KCNJ18: variants seen among roughly 807,000 people sequenced by gnomAD.
KCNJ18 encodes the protein potassium inwardly rectifying channel subfamily J member 18, also known as inward rectifier potassium channel 18.
KCNJ18 carries 16 observed loss-of-function variants against 17.3 expected under a neutral mutation model. The observed-to-expected ratio is 0.92, with a 90% CI of 0.62 to 1.40. KCNJ18 has a LOEUF of 1.40. Ranked by LOEUF, KCNJ18 falls within the 40% of genes most tolerant of loss-of-function variation. KCNJ18 has a pLI of 0.00. For synonymous variants in KCNJ18, 185 were observed against 262.6 expected, an observed-to-expected ratio of 0.70 and a Z score of 2.86; for missense variants, 462 against 626.8, an observed-to-expected ratio of 0.74 and a Z score of 2.81.
rs1906010977 is a variant in KCNJ18 at position 21,702,842 on chromosome 17, G to A, written c.56G>A (p.Gly19Glu). Reference sequence around the variant, plus strand: ...AGCATCGTGTCATTGGAGGAGGACGGGCTGCACCTGGTCACCATGTCGGGC... The same window carrying A: ...AGCATCGTGTCATTGGAGGAGGACGAGCTGCACCTGGTCACCATGTCGGGC... ...PYSIVSLEED[G>E]LHLVTMSGAN... is the part of the protein sequence containing the mutation. Residue 19 changes from glycine (G) to glutamate (E), a missense_variant, in exon 3 of 3, where the codon GGG becomes GAG. Around this residue, in one of 5 missense-constraint regions of KCNJ18, gnomAD observed 237 missense variants for 259.4 expected, o/e 0.91. Coordinates refer to ENST00000567955, the MANE Select transcript of KCNJ18 (RefSeq NM_001194958.2). 6.3e-7 allele frequency: 1 copy of A among 1,598,948 alleles called. No homozygotes were observed. Among genetic ancestry groups the A allele is most frequent in the African/African-American group, 1.3e-5 (1 of 74,814 alleles).
intron 2 of KCNJ18, among the ~76,000 whole-genome samples, chr17:21,699,840 G>A (rs1905882911): frequency 6.6e-6 from 1 of 152,296 alleles, no homozygotes; most frequent in Admixed American, 6.5e-5. Context: ...GCCAGCTACT[G>A]GGAGCACATG....
chr17:21,702,378 C>T (rs1274338954), intron 2 of KCNJ18, among the ~76,000 whole-genome samples: 6 of 123,378 alleles, frequency 4.9e-5, no homozygotes, highest in African/African-American at 8.9e-5. Flanking sequence ...GGGGGGCCAT[C>T]GGCAGAGGCA....
chr17:21,702,421 G>A (rs1456093570), intron 2 of KCNJ18, among the ~76,000 whole-genome samples: 24 of 152,270 alleles, frequency 1.6e-4, no homozygotes, highest in African/African-American at 5.8e-4. Context: ...CGAACTGGCT[G>A]GGCAGGCACT....
At chr17:21,701,326 A>T (rs1481444103) in intron 2 of KCNJ18, among the ~76,000 whole-genome samples, 4 of 152,304 alleles carry the variant, frequency 2.6e-5, no homozygotes, top group African/African-American at 9.6e-5. Context: ...CAGTGAGCTG[A>T]GGGTGGTGCT....
intron 2 of KCNJ18, among the ~76,000 whole-genome samples, chr17:21,696,916 C>T (rs1303214000): frequency 1.3e-5 from 2 of 152,044 alleles, no homozygotes; most frequent in African/African-American, 4.8e-5. Flanking sequence ...GGAGGTGATC[C>T]CAGGAAATAA....
chr17:21,704,238 C>A lies in KCNJ18; in HGVS notation c.*150C>A, dbSNP rs1344914748. Reference sequence around the variant, plus strand: ...TCGTTTTATGTTTCTTTGCAAAGGCCTCAGAAGGTTGGCCGGAGAGGGGGC... The same window carrying A: ...TCGTTTTATGTTTCTTTGCAAAGGCATCAGAAGGTTGGCCGGAGAGGGGGC... On this transcript the variant is annotated 3_prime_UTR_variant, in exon 3 of 3. Coordinates refer to ENST00000567955, the MANE Select transcript of KCNJ18 (RefSeq NM_001194958.2). The A allele has an allele frequency of 1.9e-5, 20 of 1,027,400 alleles. No individual in the cohort carries two copies. The African/African-American group carries it at 2.9e-4, about 15-fold the overall frequency. 63.6% of individuals were successfully genotyped at this position (1,027,400 alleles called of 1,614,324 possible). A position where few individuals can be genotyped will look rare whatever the true frequency, so the allele number is the denominator to read the frequency against.
chr17:21,697,943 T>C (rs1270750815), intron 2 of KCNJ18, among the ~76,000 whole-genome samples: 38 of 152,348 alleles, frequency 2.5e-4, no homozygotes, highest in South Asian at 2.1e-3. Flanking sequence ...GGGAGGCGTG[T>C]GCCAGCCTTC....
intron 2 of KCNJ18, among the ~76,000 whole-genome samples, chr17:21,701,190 C>T (rs1263726627): frequency 7.9e-5 from 12 of 152,292 alleles, no homozygotes; most frequent in African/African-American, 2.6e-4. Flanking sequence ...GCCTGTGTGT[C>T]CCGGGGGTGG....
intron 2 of KCNJ18, among the ~76,000 whole-genome samples, chr17:21,702,390 AG>A (rs1321398345): frequency 6.6e-6 from 1 of 152,082 alleles, no homozygotes; most frequent in Non-Finnish European, 1.5e-5. Flanking sequence ...GCAGAGGCAG[AG>A]AGGCTGGCAA....
Position 21,703,295 on chromosome 17 carries a change from G to C in KCNJ18, c.509G>C (p.Cys170Ser). 2.5e-6 allele frequency: 4 copies of C among 1,608,336 alleles called. No homozygotes were observed. Among genetic ancestry groups the C allele is most frequent in the Non-Finnish European group, 3.4e-6 (4 of 1,176,914 alleles). The part of the protein sequence containing the change: ...FMVVAQSIVG[C>S]IIDSFMIGAI... The stretch of plus-strand genomic sequence containing the variant: ...GTGGTGGCCCAGTCCATCGTGGGCT[G>C]CATCATCGACTCCTTCATGATTGGT... The change falls in exon 3 of 3, where the codon TGC becomes TCC. Residue 170 changes from cysteine to serine, a missense_variant. Physicochemically the swap from Cys to Ser is moderately radical, Grantham distance 112. Around this residue, in one of 5 missense-constraint regions of KCNJ18, gnomAD observed 237 missense variants for 259.4 expected, o/e 0.91. Coordinates refer to ENST00000567955, the MANE Select transcript of KCNJ18 (RefSeq NM_001194958.2).
In KCNJ18 at chr17:21,703,985, G is replaced by T; in HGVS notation, c.1199G>T (p.Ser400Ile). ...DEADGDQDGR[S>I]RDGLSPQARH... ...GCGGACGGAGACCAGGACGGCCGAAGCCGGGATGGCCTCAGCCCCCAGGCC... is the reference window on the plus strand; with the variant it reads ...GCGGACGGAGACCAGGACGGCCGAATCCGGGATGGCCTCAGCCCCCAGGCC... Residue 400 changes from serine (S) to isoleucine (I), a missense_variant, in exon 3 of 3, where the codon AGC becomes ATC. Ser to Ile is a moderately radical substitution (Grantham distance 142). Around this residue, in one of 5 missense-constraint regions of KCNJ18, gnomAD observed 123 missense variants for 117.5 expected, o/e 1.05. Coordinates refer to ENST00000567955, the MANE Select transcript of KCNJ18 (RefSeq NM_001194958.2). 2.5e-6 allele frequency: 4 copies of T among 1,601,528 alleles called. No individual in the cohort carries two copies. Among genetic ancestry groups the T allele is most frequent in the Non-Finnish European group, 2.6e-6 (3 of 1,175,224 alleles).
Position 21,703,655 on chromosome 17 carries a change from C to A in KCNJ18, c.869C>A (p.Thr290Lys). Residue 290 changes from threonine to lysine, a missense_variant, in exon 3 of 3, where the codon ACG (threonine) becomes AAG (lysine). Coordinates refer to ENST00000567955, the MANE Select transcript of KCNJ18 (RefSeq NM_001194958.2). ...GGCATCAGCCGGCAGGACCTGGAGA[C>A]GGACGACTTTGAGATCGTGGTCATC... ...LFGISRQDLE[T>K]DDFEIVVILE... 4 of 1,429,324 alleles carry A rather than the reference C, an allele frequency of 2.8e-6. No homozygotes were observed. Among genetic ancestry groups the A allele is most frequent in the Non-Finnish European group, 3.7e-6 (4 of 1,070,174 alleles). The allele number at this position is 1,429,324 out of a possible 1,614,324, so 88.5% of individuals were successfully genotyped here. A position where few individuals can be genotyped will look rare whatever the true frequency, so the allele number is the denominator to read the frequency against.
Position 21,703,594 on chromosome 17 carries a change from A to C in KCNJ18, c.808A>C (p.Ile270Leu). Reference protein sequence around the residue: ...DRIFLVSPITILHEIDEASPL... With the variant: ...DRIFLVSPITLLHEIDEASPL... ...CATCTTTCTGGTGTCGCCCATCACC[A>C]TCTTGCATGAAATTGACGAGGCCAG... is the stretch of plus-strand genomic sequence containing the variant. The change falls in exon 3 of 3, where the codon ATC becomes CTC. Residue 270 changes from isoleucine (I) to leucine (L), a missense_variant. Ile to Leu is a conservative substitution (Grantham distance 5, BLOSUM62 2). This residue lies in a region of KCNJ18 where 55 missense variants were observed against 69.1 expected (regional missense o/e 0.80). Transcript: ENST00000567955. 6.2e-7 allele frequency: 1 copy of C among 1,613,124 alleles called. No individual in the cohort carries two copies. Among genetic ancestry groups the C allele is most frequent in the Non-Finnish European group, 8.5e-7 (1 of 1,179,610 alleles).
chr17:21,698,033 G>T (rs1905820925), intron 2 of KCNJ18, among the ~76,000 whole-genome samples: 1 of 152,282 alleles, frequency 6.6e-6, no homozygotes, highest in Non-Finnish European at 1.5e-5. Flanking sequence ...CCGAATGAGG[G>T]TGAGTGGCTG....
chr17:21,697,440 G>A (rs1435749461), intron 2 of KCNJ18, among the ~76,000 whole-genome samples: 1 of 152,308 alleles, frequency 6.6e-6, no homozygotes, highest in Non-Finnish European at 1.5e-5. Flanking sequence ...GGGCGTAAGA[G>A]GTCATCATCT....
intron 2 of KCNJ18, among the ~76,000 whole-genome samples, chr17:21,699,320 C>T (rs1905862724): frequency 6.6e-6 from 1 of 152,158 alleles, no homozygotes; most frequent in Admixed American, 6.5e-5. Flanking sequence ...TGTGTAACTT[C>T]TTGCCACACC....
intron 1 of KCNJ18, among the ~76,000 whole-genome samples, chr17:21,692,987 C>T (rs1305959683): frequency 6.6e-6 from 1 of 152,312 alleles, no homozygotes; most frequent in African/African-American, 2.4e-5. Context: ...ATTTCAGCCC[C>T]ATCCTCAGCC....
At position 21,703,266 on chromosome 17, in the gene KCNJ18, C is replaced by T; in HGVS notation, c.480C>T (p.Phe160=). The change falls in exon 3 of 3, where the codon TTC becomes TTT. Residue 160 remains phenylalanine, a synonymous_variant. Coordinates refer to ENST00000567955, the MANE Select transcript of KCNJ18 (RefSeq NM_001194958.2). The part of the protein sequence containing the change: ...CVTEECLVAV[F]MVVAQSIVGC... ...CGGAGGAGTGCCTGGTGGCCGTCTT[C>T]ATGGTGGTGGCCCAGTCCATCGTGG... 2 of 1,609,774 alleles carry T rather than the reference C, an allele frequency of 1.2e-6. No homozygotes were observed. Among genetic ancestry groups the T allele is most frequent in the South Asian group, 2.2e-5 (2 of 91,026 alleles).
At chr17:21,693,725 G>T (rs1334072968) in intron 1 of KCNJ18, among the ~76,000 whole-genome samples, 1 of 152,302 alleles carries the variant, frequency 6.6e-6, no homozygotes, top group Non-Finnish European at 1.5e-5. Context: ...TCCCTGCCGT[G>T]GAGGTCCCCA....
Sources: allele counts gnomAD v4.1 joint callset (sites outside exome capture counted in the v4.1 genomes callset), GRCh38; gene constraint gnomAD v4.1.1; regional missense constraint gnomAD v4.1.1; transcripts MANE v1.5; gene names NCBI Gene and HGNC (gene_info 2026-07-23, HGNC 2026-07-21).